Variants in SLC2A9 observed in about 807,000 individuals in gnomAD.
SLC2A9 encodes solute carrier family 2, facilitated glucose transporter member 9.
SLC2A9 carries 39 observed loss-of-function variants against 50.6 expected under a neutral mutation model. The observed-to-expected ratio is 0.77, with a 90% CI of 0.60 to 1.01. The LOEUF (loss-of-function observed/expected upper bound fraction) is 1.01. Among genes scored for constraint, SLC2A9 ranks in the 50% least tolerant of loss-of-function variants. The pLI is 0.00. For missense variants in SLC2A9, 686 were observed against 677.6 expected (o/e 1.01, Z -0.14); for synonymous variants, 324 against 276.9 (o/e 1.17, Z -1.69).
chr4:9,893,201 T>G (rs1476515458), intron 8 of SLC2A9, among the ~76,000 whole-genome samples: 1 of 152,152 alleles, frequency 6.6e-6, no homozygotes, highest in Non-Finnish European at 1.5e-5. Context: ...ACAAGGGCAC[T>G]GATCACTTTT....
intron 5 of SLC2A9, among the ~76,000 whole-genome samples, chr4:9,967,723 G>A (rs1461644782): frequency 6.6e-6 from 1 of 151,822 alleles, no homozygotes; most frequent in Non-Finnish European, 1.5e-5. Context: ...TGGTAAGAAA[G>A]ATTTAAGAAA....
chr4:9,843,675 G>T (rs536631664), intron 10 of SLC2A9, among the ~76,000 whole-genome samples: 1 of 152,286 alleles, frequency 6.6e-6, no homozygotes, highest in Admixed American at 6.5e-5. Flanking sequence ...TTGATTTTAT[G>T]GGGTCATTGC....
chr4:9,967,744 T>C (rs571417218), intron 5 of SLC2A9, among the ~76,000 whole-genome samples: 4 of 152,048 alleles, frequency 2.6e-5, no homozygotes, highest in South Asian at 2.1e-4. Flanking sequence ...AGAAAATAAC[T>C]TTACATTAAA....
At chr4:10,011,761 C>G (rs1293943071) in intron 2 of SLC2A9, among the ~76,000 whole-genome samples, 1 of 152,188 alleles carries the variant, frequency 6.6e-6, no homozygotes, top group East Asian at 1.9e-4. Flanking sequence ...AAAGCCTAGA[C>G]AATCAGCAAT....
intron 3 of SLC2A9, among the ~76,000 whole-genome samples, chr4:9,995,287 T>C (rs901468330): frequency 6.6e-6 from 1 of 152,184 alleles, no homozygotes; most frequent in Non-Finnish European, 1.5e-5. Flanking sequence ...TGAATTCCCA[T>C]TAATTACTGC....
At chr4:10,016,497 G>T (rs1334692927) in intron 2 of SLC2A9, among the ~76,000 whole-genome samples, 1 of 152,144 alleles carries the variant, frequency 6.6e-6, no homozygotes, top group Non-Finnish European at 1.5e-5. Context: ...TCTTACTGAT[G>T]CTGCCATAAT....
intron 10 of SLC2A9, among the ~76,000 whole-genome samples, chr4:9,851,626 G>A (rs1729944000): frequency 6.6e-6 from 1 of 152,198 alleles, no homozygotes; most frequent in Admixed American, 6.5e-5. Flanking sequence ...TAGGAATGAA[G>A]ATCACTGAGA....
intron 3 of SLC2A9, among the ~76,000 whole-genome samples, chr4:9,799,692 A>ACACCCCCCCCCCCCCCCC (rs1553813206): frequency 1.4e-5 from 1 of 69,810 alleles, no homozygotes. Flanking sequence ...TTCCAATTGT[A>ACACCCCCCCCCCCCCCCC]CCCCCCCCCC....
At chr4:9,931,367 A>G (rs1469367311) in intron 6 of SLC2A9, among the ~76,000 whole-genome samples, 2 of 152,216 alleles carry the variant, frequency 1.3e-5, no homozygotes, top group Non-Finnish European at 2.9e-5. Flanking sequence ...TAGCATGGCA[A>G]ACTCCTGGGC....
intron 5 of SLC2A9, among the ~76,000 whole-genome samples, chr4:9,979,578 C>T (rs1032583203): frequency 6.6e-6 from 1 of 152,116 alleles, no homozygotes; most frequent in African/African-American, 2.4e-5. Context: ...CCACCTCAGT[C>T]GCAGCTGCAT....
At chr4:9,962,142 T>A (rs1034940121) in intron 5 of SLC2A9, among the ~76,000 whole-genome samples, 2 of 152,202 alleles carry the variant, frequency 1.3e-5, no homozygotes, top group African/African-American at 4.8e-5. Flanking sequence ...GTTGAACCAT[T>A]GTGGAAGACA....
At chr4:9,879,744 G>T in intron 10 of SLC2A9, 1 of 985,420 alleles carries the variant, frequency 1.0e-6, no homozygotes, top group Non-Finnish European at 1.2e-6. Context: ...CAGGCACAGA[G>T]TCAGGGCTTC....
intron 6 of SLC2A9, among the ~76,000 whole-genome samples, chr4:9,926,474 GT>G (rs1744927993): frequency 6.6e-6 from 1 of 151,082 alleles, no homozygotes; most frequent in South Asian, 2.1e-4. Flanking sequence ...AATAGCATTG[GT>G]GGTGTAACCA....
chr4:9,798,766 T>C (rs918892521), downstream of SLC2A9: 1 of 152,202 alleles, frequency 6.6e-6, no homozygotes, highest in Non-Finnish European at 1.5e-5. Context: ...AATGTGGAAA[T>C]CCAAGGCTCC....
intron 10 of SLC2A9, among the ~76,000 whole-genome samples, chr4:9,842,842 G>C (rs1728297525): frequency 1.3e-5 from 2 of 152,100 alleles, no homozygotes; most frequent in African/African-American, 4.8e-5. Context: ...TCCTATTCTG[G>C]ATTGCCCCAG....
chr4:9,786,921 A>G (rs1488836115), intron 3 of SLC2A9, among the ~76,000 whole-genome samples: 1 of 152,172 alleles, frequency 6.6e-6, no homozygotes, highest in African/African-American at 2.4e-5. Flanking sequence ...TGCACAGAGA[A>G]TTATCCAGCC....
chr4:9,894,846 G>T (rs968180322), intron 8 of SLC2A9, among the ~76,000 whole-genome samples: 1 of 152,202 alleles, frequency 6.6e-6, no homozygotes, highest in Non-Finnish European at 1.5e-5. Context: ...GAGCATCACA[G>T]TTGCTGGGAG....
chr4:9,975,787 T>C (rs1467920174), intron 5 of SLC2A9, among the ~76,000 whole-genome samples: 2 of 151,926 alleles, frequency 1.3e-5, no homozygotes, highest in Non-Finnish European at 2.9e-5. Context: ...CCAAAAAGAG[T>C]GATGCACTCA....
chr4:9,931,678 G>A (rs1745952586), intron 6 of SLC2A9, among the ~76,000 whole-genome samples: 1 of 151,984 alleles, frequency 6.6e-6, no homozygotes, highest in South Asian at 2.1e-4. Context: ...AGAAATCTCA[G>A]GGCTGAGAGG....
Sources: allele counts gnomAD v4.1 joint callset (sites outside exome capture counted in the v4.1 genomes callset), GRCh38; gene constraint gnomAD v4.1.1; transcripts MANE v1.5; gene names NCBI Gene and HGNC (gene_info 2026-07-23, HGNC 2026-07-21).